XXYLT1: variants seen among roughly 807,000 people sequenced by gnomAD.
XXYLT1 encodes the protein UDP-xylose:alpha-xyloside alpha-1,3-xylosyltransferase.
Under a neutral mutation model 28.9 loss-of-function variants are expected in XXYLT1, and 20 were observed. The observed-to-expected ratio is 0.69, with a 90% CI of 0.49 to 1.00. The LOEUF is 1.00. Ranked by LOEUF, XXYLT1 falls within the 50% of genes least tolerant of loss-of-function variation. The pLI, the probability that XXYLT1 is intolerant of heterozygous loss-of-function variation, is 0.00. For synonymous variants in XXYLT1, 257 were observed against 253.8 expected, an observed-to-expected ratio of 1.01 and a Z score of -0.12; for missense variants, 542 against 560.1, an observed-to-expected ratio of 0.97 and a Z score of 0.33.
rs527915281 is a variant in XXYLT1 at position 195,230,959 on chromosome 3, T to C, written c.505-4103A>G. Among the ~76,000 whole-genome samples, 7 of 152,186 alleles carry C rather than the reference T, an allele frequency of 4.6e-5. No individual in the cohort carries two copies. The South Asian group carries it at 1.2e-3, about 27-fold the overall frequency. Reference sequence around the variant, plus strand: ...ATTGGGATTGCATTGAATCTGTAGATTGCTTTGGGTAGTATGGAAAGTTTA... The same window carrying C: ...ATTGGGATTGCATTGAATCTGTAGACTGCTTTGGGTAGTATGGAAAGTTTA... On this transcript the variant is annotated intron_variant, in intron 1 of 3. Coordinates refer to ENST00000310380, the MANE Select transcript of XXYLT1 (RefSeq NM_152531.5).
chr3:195,088,763 A>G (rs1315492693), intron 3 of XXYLT1, among the ~76,000 whole-genome samples: 182 of 141,002 alleles, frequency 1.3e-3, no homozygotes, highest in Middle Eastern at 3.4e-3. Flanking sequence ...AAGGCAAAGA[A>G]GTTGAAAACT....
At chr3:195,212,509 C>T (rs918350575) in intron 2 of XXYLT1, among the ~76,000 whole-genome samples, 22 of 152,154 alleles carry the variant, frequency 1.4e-4, no homozygotes, top group African/African-American at 5.3e-4. Context: ...CGAACAGGTA[C>T]AGGTCAGTGG....
In XXYLT1 at chr3:195,255,753, T is replaced by G. The variant is rs1043202268; in HGVS notation, c.504+14802A>C. On this transcript the variant is annotated intron_variant, in intron 1 of 3. Coordinates refer to ENST00000310380, the MANE Select transcript of XXYLT1 (RefSeq NM_152531.5). This position sits in a 1 kb window ranked among gnomAD's most constrained non-coding sequence, Gnocchi z 4.5. ...TGTCCACTGAGCAGCTGTGTGGCCC[T>G]GAGCAAGTTGCTTGGCCTCTCTGGG... is the stretch of plus-strand genomic sequence containing the variant. 1.3e-5 allele frequency among the ~76,000 whole-genome samples: 2 copies of G among 152,180 alleles called. No homozygotes were observed. Among genetic ancestry groups the G allele is most frequent in the Non-Finnish European group, 2.9e-5 (2 of 68,024 alleles).
chr3:195,251,189 C>T (rs1193279839), intron 1 of XXYLT1, among the ~76,000 whole-genome samples: 2 of 152,228 alleles, frequency 1.3e-5, no homozygotes, highest in African/African-American at 4.8e-5. Context: ...CCACCTCCAC[C>T]CCACCTGCTG....
chr3:195,264,912 C>T (rs1360989697), intron 1 of XXYLT1, among the ~76,000 whole-genome samples: 2 of 152,108 alleles, frequency 1.3e-5, no homozygotes, highest in Non-Finnish European at 2.9e-5. Flanking sequence ...AAAAAATTAG[C>T]TGTGCATGGA....
At chr3:195,193,839 C>CA (rs1382830622) in intron 2 of XXYLT1, among the ~76,000 whole-genome samples, 2 of 151,856 alleles carry the variant, frequency 1.3e-5, no homozygotes, top group East Asian at 1.9e-4. Flanking sequence ...TATACAAATG[C>CA]AAAAAAATTA....
intron 1 of XXYLT1, among the ~76,000 whole-genome samples, chr3:195,253,343 G>C (rs909459475): frequency 6.6e-6 from 1 of 152,196 alleles, no homozygotes; most frequent in Non-Finnish European, 1.5e-5. Flanking sequence ...ATCAGGAGGC[G>C]AAGCGGCAAG....
Position 195,076,350 on chromosome 3 carries a change from C to G in XXYLT1, c.786-6239G>C, listed in dbSNP as rs1347813761. ...CGGGGTCACGGGGCCGACTGCGGCA[C>G]AGACATTGGAACTCGACCGCGCGTG... On this transcript the variant is annotated intron_variant, in intron 3 of 3. Transcript: ENST00000310380. This position sits in a 1 kb window ranked among gnomAD's most constrained non-coding sequence, Gnocchi z 5.3. 1.3e-5 allele frequency among the ~76,000 whole-genome samples: 2 copies of G among 151,986 alleles called. No individual in the cohort carries two copies. Among genetic ancestry groups the G allele is most frequent in the Non-Finnish European group, 2.9e-5 (2 of 68,014 alleles).
chr3:195,246,759 C>T (rs562859051), intron 1 of XXYLT1, among the ~76,000 whole-genome samples: 3 of 152,192 alleles, frequency 2.0e-5, no homozygotes, highest in Non-Finnish European at 4.4e-5. Flanking sequence ...TACAATGTGG[C>T]CACATGGCCT....
chr3:195,134,241 G>T (rs1719049054), intron 3 of XXYLT1, among the ~76,000 whole-genome samples: 1 of 152,124 alleles, frequency 6.6e-6, no homozygotes, highest in Non-Finnish European at 1.5e-5. Context: ...TATAAATTTA[G>T]CATAGCCTAC....
intron 2 of XXYLT1, among the ~76,000 whole-genome samples, chr3:195,167,258 T>C (rs947648245): frequency 6.6e-6 from 1 of 152,226 alleles, no homozygotes; most frequent in African/African-American, 2.4e-5. Context: ...TTTACCTGTT[T>C]GTTTTAGCCT....
intron 2 of XXYLT1, among the ~76,000 whole-genome samples, chr3:195,190,132 C>CAAAAAAAAAAAAAAAAAAAAAA (rs763683271): frequency 2.8e-5 from 4 of 142,894 alleles, no homozygotes; most frequent in African/African-American, 8.6e-5. Context: ...TTCAAAAATG[C>CAAAAAAAAAAAAAAAAAAAAAA]AAAAAAAAAG....
Position 195,069,745 on chromosome 3 carries a change from C to G in XXYLT1, c.1152G>C (p.Gly384=). The change falls in exon 4 of 4, where the codon GGG becomes GGC. Residue 384 remains glycine (G), a synonymous_variant. Transcript: ENST00000310380. ...CCTCCGGGATGGGAGTGTTGCAGTT[C>G]CCGTGGTAGATCTTGACGTGGCCCT... The part of the protein sequence containing the change: ...RCEGHVKIYH[G]NCNTPIPED The G allele has an allele frequency of 1.2e-6, 2 of 1,613,728 alleles. No individual in the cohort carries two copies. The highest frequency in any genetic ancestry group is 2.2e-5 in the South Asian group (2 of 91,066).
chr3:195,185,684 G>T (rs916144046), intron 2 of XXYLT1, among the ~76,000 whole-genome samples: 2 of 152,034 alleles, frequency 1.3e-5, no homozygotes, highest in Non-Finnish European at 2.9e-5. Flanking sequence ...TGAGGAGCAG[G>T]TCGACACACC....
At position 195,077,255 on chromosome 3, in the gene XXYLT1, C is replaced by A. The variant is rs1276104293; in HGVS notation, c.786-7144G>T. 1.3e-5 allele frequency among the ~76,000 whole-genome samples: 2 copies of A among 152,130 alleles called. No homozygotes were observed. The highest frequency in any genetic ancestry group is 3.9e-4 in the East Asian group (2 of 5,182). On this transcript the variant is annotated intron_variant, in intron 3 of 3. Coordinates refer to ENST00000310380, the MANE Select transcript of XXYLT1 (RefSeq NM_152531.5). This position sits in a 1 kb window ranked among gnomAD's most constrained non-coding sequence, Gnocchi z 4.8. The stretch of plus-strand genomic sequence containing the variant: ...ATGATGTAGGGGGCGGCACGGGGAC[C>A]CCAGCAGAGAGATGTCCAAAAGCTC...
chr3:195,218,057 A>G (rs992146823), intron 2 of XXYLT1, among the ~76,000 whole-genome samples: 2 of 149,770 alleles, frequency 1.3e-5, no homozygotes, highest in Non-Finnish European at 2.9e-5. Flanking sequence ...AAAACAAGTA[A>G]TGAGGAACGG....
At chr3:195,153,319 C>T (rs569684314) in intron 3 of XXYLT1, among the ~76,000 whole-genome samples, 3 of 152,332 alleles carry the variant, frequency 2.0e-5, no homozygotes, top group South Asian at 4.1e-4. Flanking sequence ...CCAAGCCATT[C>T]CCAGCCCCAG....
intron 1 of XXYLT1, among the ~76,000 whole-genome samples, chr3:195,259,317 G>A (rs1278377456): frequency 6.6e-6 from 1 of 152,274 alleles, no homozygotes; most frequent in Admixed American, 6.5e-5. Flanking sequence ...GCTCAGAACA[G>A]GCAAGTAGTT....
chr3:195,263,451 A>G (rs1314044220), intron 1 of XXYLT1, among the ~76,000 whole-genome samples: 2 of 152,170 alleles, frequency 1.3e-5, no homozygotes, highest in African/African-American at 4.8e-5. Context: ...GGCCTGGGTT[A>G]TATCTCTTGG....
Sources: gnomAD v4.1 joint callset for allele counts (sites outside exome capture counted in the v4.1 genomes callset) on GRCh38, gnomAD v4.1.1 for gene constraint, Gnocchi (gnomAD v3.1) non-coding constraint, MANE v1.5 for transcripts, NCBI Gene and HGNC (gene_info 2026-07-23, HGNC 2026-07-21) for gene names.